CNTN6: variants seen among roughly 807,000 people sequenced by gnomAD.
The protein encoded by CNTN6 is contactin 6.
CNTN6 carries 137 observed loss-of-function variants against 122.8 expected under a neutral mutation model. That is an observed-to-expected ratio of 1.12 (90% CI 0.97 to 1.29). CNTN6 has a LOEUF of 1.29. CNTN6 is among the 50% of genes most tolerant of loss of function. CNTN6 has a pLI of 0.00. For missense variants in CNTN6, 1,634 were observed against 1,223.4 expected (o/e 1.34, Z -5.01); for synonymous variants, 570 against 426.0 (o/e 1.34, Z -4.16).
At chr3:1,326,056 T>C (rs1701500844) in intron 9 of CNTN6, 105 bp downstream of exon 9, 1 of 987,618 alleles carries the variant, frequency 1.0e-6, no homozygotes, top group Non-Finnish European at 1.5e-6. Flanking sequence ...ATGGAGTCTT[T>C]GGTATGTTCC....
chr3:1,125,251 C>A (rs893923370), intron 1 of CNTN6, among the ~76,000 whole-genome samples: 6 of 151,830 alleles, frequency 4.0e-5, no homozygotes, highest in African/African-American at 1.4e-4. Context: ...TTTAAAAATT[C>A]TCAAATGTTT....
intron 2 of CNTN6, among the ~76,000 whole-genome samples, chr3:1,181,752 T>A (rs1276971184): frequency 3.3e-5 from 5 of 152,106 alleles, no homozygotes; most frequent in Non-Finnish European, 5.9e-5. Flanking sequence ...AGCTAGGTTA[T>A]TCATGGGTGT....
At chr3:1,377,143 AC>A in intron 17 of CNTN6, 68 bp downstream of exon 17, 1 of 1,106,108 alleles carries the variant, frequency 9.0e-7, no homozygotes, top group East Asian at 2.4e-5. Flanking sequence ...AAACTGAAAA[AC>A]AAAAAGATTT....
intron 2 of CNTN6, among the ~76,000 whole-genome samples, chr3:1,165,247 T>C (rs1201359238): frequency 2.0e-5 from 3 of 152,166 alleles, no homozygotes; most frequent in Non-Finnish European, 2.9e-5. Context: ...GCTCTTCCCA[T>C]TCCCATTCTC....
rs532370031 is a variant in CNTN6 at position 1,128,414 on chromosome 3, T to C, written c.-82-19513T>C. The C allele has an allele frequency of 3.3e-5, 5 of 152,094 alleles. 1 individual carries two copies. The highest frequency in any genetic ancestry group is 1.2e-4 in the African/African-American group (5 of 41,526). 9.4% of individuals were successfully genotyped at this position (152,094 alleles called of 1,614,324 possible). On this transcript the variant is annotated intron_variant, in intron 1 of 22. Coordinates refer to ENST00000446702, the MANE Select transcript of CNTN6 (RefSeq NM_001289080.2). ...AGTGTTCTTTGTCATCTGGTCAACA[T>C]CACTAATTTATCCTGTGCACAATTG...
At chr3:1,315,412 G>A (rs935459511) in intron 7 of CNTN6, among the ~76,000 whole-genome samples, 3 of 151,996 alleles carry the variant, frequency 2.0e-5, no homozygotes, top group South Asian at 2.1e-4. Context: ...CAATAAATTA[G>A]CGTGCTCTGG....
rs979937630 is a variant in CNTN6, at chr3:1,373,930, A to C, written c.1952A>C (p.Glu651Ala). Residue 651 changes from glutamate to alanine, a missense_variant, in exon 16 of 23, where the codon GAA becomes GCA. Coordinates refer to ENST00000446702, the MANE Select transcript of CNTN6 (RefSeq NM_001289080.2). The part of the protein sequence containing the change: ...VGWQAVATVP[E>A]ILNGKTYNAT... ...AGTGTCTCATTCTTTTTAGTTCCAGAAATTCTCAATGGTAAGACATACAAT... is the reference window on the plus strand; with the variant it reads ...AGTGTCTCATTCTTTTTAGTTCCAGCAATTCTCAATGGTAAGACATACAAT... 3 of 1,608,120 alleles carry C rather than the reference A, an allele frequency of 1.9e-6. No individual in the cohort carries two copies. The highest frequency in any genetic ancestry group is 1.7e-5 in the Admixed American group (1 of 59,556).
In CNTN6 at chr3:1,212,311, G is replaced by A. The variant is rs572004759; in HGVS notation, c.56-8376G>A. Reference sequence around the variant, plus strand: ...ACTTCTGGGCTCAAGCAATCTGCCCGTCTTGGCCTCCCAAAGTGTGGGGAT... The same window carrying A: ...ACTTCTGGGCTCAAGCAATCTGCCCATCTTGGCCTCCCAAAGTGTGGGGAT... On this transcript the variant is annotated intron_variant, in intron 2 of 22. Coordinates refer to ENST00000446702, the MANE Select transcript of CNTN6 (RefSeq NM_001289080.2). Among the ~76,000 whole-genome samples, 263 of 136,516 alleles carry A rather than the reference G, an allele frequency of 1.9e-3. 2 individuals carry two copies. The highest frequency in any genetic ancestry group is 6.2e-3 in the African/African-American group (220 of 35,732). The allele number at this position is 136,516 out of a possible 152,430, so 89.6% of individuals were successfully genotyped here.
At chr3:1,288,837 T>TG (rs1384104798) in intron 5 of CNTN6, among the ~76,000 whole-genome samples, 1 of 152,188 alleles carries the variant, frequency 6.6e-6, no homozygotes, top group Non-Finnish European at 1.5e-5. Flanking sequence ...AATCACACTC[T>TG]GGGGAAAAGA....
At chr3:1,154,752 T>A (rs1047326194) in intron 2 of CNTN6, among the ~76,000 whole-genome samples, 3 of 152,180 alleles carry the variant, frequency 2.0e-5, no homozygotes, top group Admixed American at 1.3e-4. Flanking sequence ...CCAGGATTGA[T>A]AACATTTTTC....
intron 5 of CNTN6, among the ~76,000 whole-genome samples, chr3:1,291,063 A>G (rs1286074372): frequency 6.6e-6 from 1 of 152,164 alleles, no homozygotes; most frequent in African/African-American, 2.4e-5. Context: ...CTCTGACAGT[A>G]TTATTAGGGA....
chr3:1,131,871 G>T (rs546294727), intron 1 of CNTN6, among the ~76,000 whole-genome samples: 154 of 152,158 alleles, frequency 1.0e-3, no homozygotes, highest in African/African-American at 3.4e-3. Flanking sequence ...AAGGAAAAAT[G>T]TAGCCGTATA....
chr3:1,166,192 A>G (rs907654909), intron 2 of CNTN6, among the ~76,000 whole-genome samples: 2 of 152,232 alleles, frequency 1.3e-5, no homozygotes, highest in African/African-American at 4.8e-5. Context: ...AGTCACAAAT[A>G]TGGGCAGTAA....
chr3:1,367,217 G>A (rs542574224), intron 12 of CNTN6, among the ~76,000 whole-genome samples: 53 of 152,080 alleles, frequency 3.5e-4, no homozygotes, highest in African/African-American at 1.2e-3. Context: ...TACATTAACT[G>A]TAGTCACCAT....
At chr3:1,148,390 C>T (rs915782766) in intron 2 of CNTN6, among the ~76,000 whole-genome samples, 1 of 151,032 alleles carries the variant, frequency 6.6e-6, no homozygotes, top group African/African-American at 2.4e-5. Context: ...TTTTTATCAC[C>T]AATAAACAGT....
At chr3:1,286,881 C>A (rs1177390710) in intron 5 of CNTN6, among the ~76,000 whole-genome samples, 1 of 152,020 alleles carries the variant, frequency 6.6e-6, no homozygotes, top group Non-Finnish European at 1.5e-5. Context: ...GGAATATTTA[C>A]CAAGCAAAAG....
chr3:1,250,796 T>C (rs1478205575), intron 4 of CNTN6, among the ~76,000 whole-genome samples: 1 of 152,154 alleles, frequency 6.6e-6, no homozygotes, highest in Non-Finnish European at 1.5e-5. Flanking sequence ...TCAACTGACA[T>C]TTGGCTTCCA....
rs2094547108 is a variant in CNTN6, at chr3:1,245,218, ATATATATATATATATATACACACAC to A, written c.358+17226_358+17250del. On this transcript the variant is annotated intron_variant, in intron 4 of 22. Transcript: ENST00000446702. ...ATGTGATATATATATATATATATAT[ATATATATATATATATATACACACAC>A]ACATATATATATAACATATATATAT... Among the ~76,000 whole-genome samples the A allele has an allele frequency of 6.0e-4, 14 of 23,522 alleles. 1 individual carries two copies. Among genetic ancestry groups the A allele is most frequent in the South Asian group, 5.2e-3 (3 of 574 alleles). The allele number at this position is 23,522 out of a possible 152,430, so 15.4% of individuals were successfully genotyped here. A position where few individuals can be genotyped will look rare whatever the true frequency, so the allele number is the denominator to read the frequency against.
intron 2 of CNTN6, among the ~76,000 whole-genome samples, chr3:1,158,180 C>G (rs1198295537): frequency 2.0e-5 from 3 of 152,170 alleles, no homozygotes; most frequent in African/African-American, 7.2e-5. Flanking sequence ...TACTTCACAT[C>G]CTTACCAGCA....
Sources: allele counts gnomAD v4.1 joint callset (sites outside exome capture counted in the v4.1 genomes callset), GRCh38; gene constraint gnomAD v4.1.1; transcripts MANE v1.5; gene names NCBI Gene and HGNC (gene_info 2026-07-23, HGNC 2026-07-21).